CCDC30: variants seen among roughly 807,000 people sequenced by gnomAD.
CCDC30 encodes the protein coiled-coil domain-containing protein 30.
A neutral mutation model predicts 100.2 loss-of-function variants in CCDC30; 70 were observed. That is an observed-to-expected ratio of 0.70 (90% CI 0.58 to 0.85). CCDC30 has a LOEUF of 0.85. Ranked by LOEUF, CCDC30 falls within the 40% of genes least tolerant of loss-of-function variation. The pLI is 0.00. For missense variants in CCDC30, 652 were observed against 771.2 expected (o/e 0.85, Z 1.83); for synonymous variants, 233 against 269.5 (o/e 0.86, Z 1.33).
chr1:42,498,105 G>A (rs541892458), intron 5 of CCDC30, among the ~76,000 whole-genome samples: 1 of 152,214 alleles, frequency 6.6e-6, no homozygotes, highest in East Asian at 1.9e-4. Flanking sequence ...AAAAAGGAAA[G>A]AAATTCATAC....
chr1:42,535,704 ATATAT>A (rs1277752589), intron 6 of CCDC30, among the ~76,000 whole-genome samples: 1 of 107,552 alleles, frequency 9.3e-6, no homozygotes, highest in Non-Finnish European at 1.8e-5. Flanking sequence ...TACTATATAT[ATATAT>A]TATATATATA....
chr1:42,577,341 A>AT (rs1252879818), intron 8 of CCDC30, 112 bp downstream of exon 12: 13 of 736,254 alleles, frequency 1.8e-5, no homozygotes, highest in South Asian at 4.0e-5. Context: ...GAATTCTAAG[A>AT]TTTTTTTTCT....
At chr1:42,620,417 T>C (rs1646808296) in intron 11 of CCDC30, among the ~76,000 whole-genome samples, 2 of 152,038 alleles carry the variant, frequency 1.3e-5, no homozygotes, top group South Asian at 2.1e-4. Flanking sequence ...TTTATAAAAC[T>C]AGAAAACACC....
At chr1:42,583,318 T>A (rs1646004508) in intron 9 of CCDC30, among the ~76,000 whole-genome samples, 1 of 152,372 alleles carries the variant, frequency 6.6e-6, no homozygotes, top group East Asian at 1.9e-4. Context: ...ATGCCAGTTC[T>A]ATACATCTTT....
At chr1:42,633,101 C>T (rs944054592) in intron 11 of CCDC30, among the ~76,000 whole-genome samples, 5 of 152,156 alleles carry the variant, frequency 3.3e-5, no homozygotes, top group Middle Eastern at 3.2e-3. Context: ...TAAGCCAACA[C>T]GCCTGGCCAG....
intron 6 of CCDC30, among the ~76,000 whole-genome samples, chr1:42,510,570 T>C (rs1212381204): frequency 6.6e-6 from 1 of 151,146 alleles, no homozygotes; most frequent in Non-Finnish European, 1.5e-5. Context: ...GGCAGGAGAA[T>C]CACTTGAACC....
chr1:42,595,483 G>T (rs7511875), intron 10 of CCDC30: 58,002 of 152,012 alleles, frequency 0.38, 11,817 homozygotes, highest in Non-Finnish European at 0.45. Context: ...GGAGGTGAAG[G>T]TTGCAGTGAG....
At chr1:42,488,584 G>A (rs1286529877) in intron 3 of CCDC30, among the ~76,000 whole-genome samples, 2 of 152,096 alleles carry the variant, frequency 1.3e-5, no homozygotes, top group African/African-American at 4.8e-5. Context: ...TGTTGTATAG[G>A]TGTGAGCCAC....
intron 7 of CCDC30, among the ~76,000 whole-genome samples, chr1:42,567,753 C>G (rs1251852396): frequency 1.3e-5 from 2 of 152,194 alleles, no homozygotes; most frequent in Admixed American, 6.5e-5. Context: ...GGGACATATT[C>G]TAACAATACT....
intron 3 of CCDC30, among the ~76,000 whole-genome samples, chr1:42,483,528 T>G (rs1231165017): frequency 2.0e-5 from 3 of 152,212 alleles, no homozygotes; most frequent in Non-Finnish European, 4.4e-5. Flanking sequence ...CTTGGTACTG[T>G]CAGTCTTACC....
downstream of CCDC30, among the ~76,000 whole-genome samples, chr1:42,655,462 A>G (rs6676616): frequency 0.59 from 88,895 of 151,866 alleles, 26,246 homozygotes; most frequent in South Asian, 0.66. Context: ...CAGGAGAATC[A>G]CTTGAACCCG....
At chr1:42,543,236 G>A (rs1324768793) in intron 6 of CCDC30, among the ~76,000 whole-genome samples, 1 of 148,878 alleles carries the variant, frequency 6.7e-6, no homozygotes, top group Non-Finnish European at 1.5e-5. Context: ...GCCTCCCAAA[G>A]TGCTGGGATT....
chr1:42,630,833 C>G (rs1647024453), intron 11 of CCDC30, among the ~76,000 whole-genome samples: 1 of 152,174 alleles, frequency 6.6e-6, no homozygotes, highest in Admixed American at 6.5e-5. Context: ...ATTTCAATCT[C>G]TGTTAAATTT....
At chr1:42,456,807 T>G in the CCDC30 span, 1 of 1,613,390 alleles carries the variant, frequency 6.2e-7, no homozygotes, top group East Asian at 2.2e-5. Context: ...TACGGGGTCC[T>G]GTTCTTGTAT....
rs140861530 is a variant in CCDC30, at chr1:42,548,806, G to A, written c.457-17490G>A. On this transcript the variant is annotated intron_variant, in intron 6 of 16. Coordinates refer to ENST00000668663, the Ensembl canonical transcript of CCDC30. Reference sequence around the variant, plus strand: ...AGGACTTGGGGTGAAGAAGGTGACAGAAAGCCATGAGCCAGAGTCTTCAAT... The same window carrying A: ...AGGACTTGGGGTGAAGAAGGTGACAAAAAGCCATGAGCCAGAGTCTTCAAT... Among the ~76,000 whole-genome samples, 790 of 152,244 alleles carry A rather than the reference G, an allele frequency of 5.2e-3. 7 individuals carry two copies. Among genetic ancestry groups the A allele is most frequent in the African/African-American group, 0.018 (763 of 41,538 alleles).
chr1:42,570,001 A>G (rs1645698006), intron 7 of CCDC30, among the ~76,000 whole-genome samples: 1 of 152,202 alleles, frequency 6.6e-6, no homozygotes, highest in African/African-American at 2.4e-5. Flanking sequence ...GGGGAGGGAT[A>G]GCATTAGGAG....
chr1:42,490,347 A>G (rs1468870362), intron 4 of CCDC30, 118 bp downstream of exon 4: 12 of 386,752 alleles, frequency 3.1e-5, no homozygotes, highest in African/African-American at 4.2e-5. Flanking sequence ...GCAGTGAGCC[A>G]TGTCTGTGCC....
intron 1 of CCDC30, among the ~76,000 whole-genome samples, chr1:42,468,930 TG>T (rs1489904412): frequency 6.6e-6 from 1 of 151,132 alleles, no homozygotes; most frequent in South Asian, 2.1e-4. Flanking sequence ...TTTGAAGGGA[TG>T]GAAGAGGAGG....
intron 7 of CCDC30, among the ~76,000 whole-genome samples, chr1:42,574,323 C>T (rs1645791110): frequency 6.6e-6 from 1 of 151,474 alleles, no homozygotes; most frequent in Admixed American, 6.6e-5. Context: ...TTTTTTGCAT[C>T]AACTTTGTTA....
Sources: gnomAD v4.1 joint callset for allele counts (sites outside exome capture counted in the v4.1 genomes callset) on GRCh38, gnomAD v4.1.1 for gene constraint, MANE v1.5 for transcripts, NCBI Gene and HGNC (gene_info 2026-07-23, HGNC 2026-07-21) for gene names.